The following MKLN1 variants were observed in gnomAD, a reference collection of about 807,000 sequenced individuals.
MKLN1 encodes the protein muskelin.
In MKLN1, 18 loss-of-function variants were observed where a neutral mutation model predicts 99.0. That is an observed-to-expected ratio of 0.18 (90% CI 0.13 to 0.27). The LOEUF (loss-of-function observed/expected upper bound fraction) is 0.27. MKLN1 is among the 10% of genes least tolerant of loss of function. MKLN1 has a pLI of 1.00. For synonymous variants in MKLN1, 288 were observed against 293.2 expected (o/e 0.98, Z 0.18); for missense variants, 621 against 875.9 (o/e 0.71, Z 3.67).
chr7:131,146,651 A>T (rs886377172), intron 2 of MKLN1, among the ~76,000 whole-genome samples: 1 of 152,196 alleles, frequency 6.6e-6, no homozygotes, highest in African/African-American at 2.4e-5. Context: ...CATTGGCGGG[A>T]TCTGAAATGA....
At chr7:131,142,128 C>A (rs1376028196) in intron 1 of MKLN1, among the ~76,000 whole-genome samples, 1 of 151,616 alleles carries the variant, frequency 6.6e-6, no homozygotes, top group Non-Finnish European at 1.5e-5. Flanking sequence ...AAAAAAAAGG[C>A]AGGGCACGGT....
intron 3 of MKLN1, among the ~76,000 whole-genome samples, chr7:131,271,645 G>A (rs950554824): frequency 8.3e-5 from 12 of 145,314 alleles, no homozygotes; most frequent in South Asian, 2.2e-4. Flanking sequence ...AAATTTGGCC[G>A]GGCATGGTTG....
Position 131,388,985 on chromosome 7 carries a change from C to T in MKLN1, c.400+13C>T. On this transcript the variant is annotated intron_variant, in intron 4 of 17. Transcript: ENST00000352689. ...TTCATTAAAATAGGTAAGATTTTAG[C>T]ATTCTGAAATAGAAACAAATTCTTG... is the stretch of plus-strand genomic sequence containing the variant. 1.3e-6 allele frequency: 2 copies of T among 1,556,398 alleles called. No homozygotes were observed. The highest frequency in any genetic ancestry group is 1.8e-6 in the Non-Finnish European group (2 of 1,135,074).
chr7:131,456,726 G>A (rs894532529), intron 12 of MKLN1, among the ~76,000 whole-genome samples: 4 of 152,046 alleles, frequency 2.6e-5, no homozygotes, highest in Non-Finnish European at 5.9e-5. Flanking sequence ...GCATAGGGGC[G>A]TGATCATATA....
chr7:131,204,168 TAC>T (rs1796770730), intron 3 of MKLN1, among the ~76,000 whole-genome samples: 1 of 152,200 alleles, frequency 6.6e-6, no homozygotes, highest in Non-Finnish European at 1.5e-5. Context: ...TTCATCCAAG[TAC>T]TTCCTGGTTA....
intron 3 of MKLN1, among the ~76,000 whole-genome samples, chr7:131,278,640 G>C (rs1428857712): frequency 6.6e-6 from 1 of 151,644 alleles, no homozygotes; most frequent in Non-Finnish European, 1.5e-5. Flanking sequence ...TAAGAGACAG[G>C]GTGTCATTCT....
chr7:131,400,330 C>T (rs1231820531), intron 6 of MKLN1, among the ~76,000 whole-genome samples: 1 of 151,560 alleles, frequency 6.6e-6, no homozygotes, highest in African/African-American at 2.4e-5. Context: ...AAATGAATTG[C>T]TTTGAGCTCC....
chr7:131,344,740 G>A (rs1318025933), intron 1 of MKLN1, among the ~76,000 whole-genome samples: 6 of 152,078 alleles, frequency 3.9e-5, no homozygotes, highest in Non-Finnish European at 8.8e-5. Context: ...AAAAAACGTG[G>A]TTCTCAATTC....
chr7:131,193,515 C>T (rs898635353), intron 2 of MKLN1, among the ~76,000 whole-genome samples: 1 of 152,020 alleles, frequency 6.6e-6, no homozygotes, highest in African/African-American at 2.4e-5. Context: ...TACAGGTGCG[C>T]ACCACCATGA....
intron 2 of MKLN1, among the ~76,000 whole-genome samples, chr7:131,175,030 AGATGGATGGATGGATGGATGGATGGATG>A (rs66786066): frequency 2.0e-5 from 3 of 148,360 alleles, no homozygotes; most frequent in South Asian, 2.2e-4. Context: ...ATAGATAGGC[AGATGGATGGATGGATGGATGGATGGATG>A]GATGGATGGA....
chr7:131,246,622 C>G (rs1797493486), intron 3 of MKLN1, among the ~76,000 whole-genome samples: 1 of 151,336 alleles, frequency 6.6e-6, no homozygotes, highest in Non-Finnish European at 1.5e-5. Context: ...ATCCCCCTTC[C>G]TCCAATAAAG....
chr7:131,340,903 T>G (rs1281421344), intron 1 of MKLN1, among the ~76,000 whole-genome samples: 2 of 152,066 alleles, frequency 1.3e-5, no homozygotes, highest in African/African-American at 4.8e-5. Context: ...ATATCTAGGG[T>G]GGAGGTATTA....
intron 6 of MKLN1, among the ~76,000 whole-genome samples, chr7:131,404,925 A>AAAACAAACAAACAAACAAAC (rs58745921): frequency 1.3e-5 from 2 of 151,016 alleles, no homozygotes; most frequent in African/African-American, 2.4e-5. Context: ...ATACTTGGTT[A>AAAACAAACAAACAAACAAAC]AAACAAACAA....
intron 8 of MKLN1, among the ~76,000 whole-genome samples, chr7:131,417,551 G>C (rs2630638): frequency 6.6e-6 from 1 of 152,208 alleles, no homozygotes; most frequent in Non-Finnish European, 1.5e-5. Context: ...ACTATACGTG[G>C]ACATTGAGGT....
At chr7:131,484,129 AT>A (rs1189652024) in intron 17 of MKLN1, among the ~76,000 whole-genome samples, 2 of 152,198 alleles carry the variant, frequency 1.3e-5, no homozygotes, top group African/African-American at 4.8e-5. Flanking sequence ...GTGATACATA[AT>A]TATTCATAAT....
chr7:131,128,365 C>T lies in MKLN1; in HGVS notation c.-418-14455C>T, dbSNP rs886422351. The stretch of plus-strand genomic sequence containing the variant: ...GAAAGTAGTGTAAGCATTTTTTGAC[C>T]TTGGAGTGGTAAAGGCCTTCATGAG... On this transcript the variant is annotated intron_variant, in intron 1 of 7. Transcript: ENST00000416992. Among the ~76,000 whole-genome samples the T allele has an allele frequency of 2.0e-5, 3 of 151,980 alleles. No homozygotes were observed. In the East Asian group the frequency reaches 5.8e-4, roughly 29 times the overall value.
chr7:131,335,807 T>C (rs1037628797), intron 1 of MKLN1, among the ~76,000 whole-genome samples: 1 of 151,878 alleles, frequency 6.6e-6, no homozygotes, highest in Non-Finnish European at 1.5e-5. Context: ...GAACACACTC[T>C]GAATAGTTTC....
At chr7:131,191,516 A>G (rs1397649679) in intron 2 of MKLN1, among the ~76,000 whole-genome samples, 2 of 152,166 alleles carry the variant, frequency 1.3e-5, no homozygotes, top group Non-Finnish European at 2.9e-5. Flanking sequence ...CTTCCACCCT[A>G]GCTAGAATAG....
intron 2 of MKLN1, among the ~76,000 whole-genome samples, chr7:131,156,980 T>C (rs1795978601): frequency 6.6e-6 from 1 of 152,162 alleles, no homozygotes. Flanking sequence ...CAGTGGGTTA[T>C]TTGAAGTTTC....
Sources: allele counts gnomAD v4.1 joint callset (sites outside exome capture counted in the v4.1 genomes callset), GRCh38; gene constraint gnomAD v4.1.1; transcripts MANE v1.5; gene names NCBI Gene and HGNC (gene_info 2026-07-23, HGNC 2026-07-21).